Variants in DLG2 observed in about 807,000 individuals in gnomAD.
DLG2 encodes discs large MAGUK scaffold protein 2.
A neutral mutation model predicts 132.5 loss-of-function variants in DLG2; 45 were observed. The observed-to-expected ratio is 0.34, with a 90% CI of 0.27 to 0.44. The LOEUF is 0.44. Among genes scored for constraint, DLG2 ranks in the 20% least tolerant of loss-of-function variants. The pLI is 1.00. For missense variants in DLG2, 1,045 were observed against 1,196.9 expected (o/e 0.87, Z 1.87); for synonymous variants, 424 against 419.6 (o/e 1.01, Z -0.13).
intron 6 of DLG2, among the ~76,000 whole-genome samples, chr11:84,693,587 T>G (rs2058288942): frequency 6.6e-6 from 1 of 151,698 alleles, no homozygotes; most frequent in South Asian, 2.1e-4. Context: ...AGATTATTTC[T>G]AAAAACGAGC....
chr11:84,768,929 G>A (rs2068830663), intron 6 of DLG2, among the ~76,000 whole-genome samples: 2 of 151,798 alleles, frequency 1.3e-5, no homozygotes, highest in South Asian at 4.2e-4. Flanking sequence ...GTTCCAATAA[G>A]AAAGAGAAGA....
At chr11:84,776,826 C>G (rs560229002) in intron 6 of DLG2, among the ~76,000 whole-genome samples, 11 of 152,138 alleles carry the variant, frequency 7.2e-5, no homozygotes, top group African/African-American at 2.4e-4. Context: ...GGTATCTTTC[C>G]AGCTATAGAA....
chr11:84,848,460 C>T (rs2081777358), intron 6 of DLG2, among the ~76,000 whole-genome samples: 1 of 152,044 alleles, frequency 6.6e-6, no homozygotes, highest in African/African-American at 2.4e-5. Context: ...CACCACTGCA[C>T]TCCAGCATGT....
chr11:84,437,749 CTAAG>C (rs2154475978), intron 7 of DLG2: 1 of 152,432 alleles, frequency 6.6e-6, no homozygotes, highest in African/African-American at 2.4e-5. Flanking sequence ...ATCCAGTTGG[CTAAG>C]TATTTGTCTG....
chr11:84,975,742 T>G (rs2054808284), intron 6 of DLG2, among the ~76,000 whole-genome samples: 1 of 152,206 alleles, frequency 6.6e-6, no homozygotes, highest in East Asian at 1.9e-4. Context: ...AAAGTTACTC[T>G]GAAAATATAC....
At chr11:84,332,101 C>T (rs1396428909) in intron 7 of DLG2, among the ~76,000 whole-genome samples, 1 of 152,062 alleles carries the variant, frequency 6.6e-6, no homozygotes, top group African/African-American at 2.4e-5. Flanking sequence ...GTGCAATTTC[C>T]TAAACAATCA....
At chr11:83,787,137 T>G (rs1045170058) in intron 17 of DLG2, among the ~76,000 whole-genome samples, 12 of 151,834 alleles carry the variant, frequency 7.9e-5, no homozygotes, top group Admixed American at 1.3e-4. Context: ...GAAAACAGGA[T>G]GATAAAGAGA....
intron 7 of DLG2, among the ~76,000 whole-genome samples, chr11:84,533,873 C>A (rs1473125569): frequency 8.8e-6 from 1 of 113,376 alleles, no homozygotes; most frequent in Non-Finnish European, 1.7e-5. Flanking sequence ...GCTTTTTATC[C>A]CAAACACAAA....
intron 6 of DLG2, among the ~76,000 whole-genome samples, chr11:84,746,390 C>T (rs1469810450): frequency 6.6e-6 from 1 of 150,466 alleles, no homozygotes; most frequent in Non-Finnish European, 1.5e-5. Context: ...TTGAAATTAG[C>T]AATGAACTTA....
intron 6 of DLG2, among the ~76,000 whole-genome samples, chr11:84,996,767 T>C (rs2057692027): frequency 6.6e-6 from 1 of 152,200 alleles, no homozygotes; most frequent in African/African-American, 2.4e-5. Flanking sequence ...TGGACTTGGT[T>C]GTACCTTTCA....
chr11:84,084,374 T>C (rs2096944717), intron 10 of DLG2, among the ~76,000 whole-genome samples: 1 of 152,224 alleles, frequency 6.6e-6, no homozygotes, highest in Non-Finnish European at 1.5e-5. Flanking sequence ...TGTAATGTGT[T>C]CCTTTGGAAT....
At chr11:84,492,956 C>T (rs1292016711) in intron 7 of DLG2, among the ~76,000 whole-genome samples, 2 of 152,000 alleles carry the variant, frequency 1.3e-5, no homozygotes, top group Non-Finnish European at 2.9e-5. Context: ...GGTCAGGTTC[C>T]TGATGTTTTG....
At chr11:84,785,619 G>A (rs1438666628) in intron 6 of DLG2, among the ~76,000 whole-genome samples, 1 of 151,920 alleles carries the variant, frequency 6.6e-6, no homozygotes, top group Non-Finnish European at 1.5e-5. Flanking sequence ...GAACCAACAA[G>A]GTAAATGTTT....
intron 8 of DLG2, among the ~76,000 whole-genome samples, chr11:84,201,315 A>G (rs1229293398): frequency 6.6e-6 from 1 of 152,164 alleles, no homozygotes; most frequent in Non-Finnish European, 1.5e-5. Flanking sequence ...GTAATGGATA[A>G]GCTTTTGGAT....
intron 6 of DLG2, among the ~76,000 whole-genome samples, chr11:84,757,301 A>G (rs2067011945): frequency 6.6e-6 from 1 of 152,216 alleles, no homozygotes; most frequent in African/African-American, 2.4e-5. Flanking sequence ...TTTGTTAAAA[A>G]AAAAAAGGAT....
intron 3 of DLG2, among the ~76,000 whole-genome samples, chr11:85,367,520 T>C (rs2084649891): frequency 6.6e-6 from 1 of 152,206 alleles, no homozygotes; most frequent in Non-Finnish European, 1.5e-5. Context: ...ATTATTATTG[T>C]TGCATATTGG....
At chr11:85,067,480 T>G (rs2065107714) in intron 6 of DLG2, among the ~76,000 whole-genome samples, 1 of 151,784 alleles carries the variant, frequency 6.6e-6, no homozygotes, top group African/African-American at 2.4e-5. Flanking sequence ...TTGTGGGTAT[T>G]TAGTGCTATA....
rs1244585395 is a variant in DLG2 at position 84,233,646 on chromosome 11, G to T, written c.573+17592C>A. 2.0e-5 allele frequency among the ~76,000 whole-genome samples: 3 copies of T among 152,138 alleles called. No homozygotes were observed. The South Asian group carries it at 6.2e-4, about 32-fold the overall frequency. The stretch of plus-strand genomic sequence containing the variant: ...ATCCCCTGTGCAAATGGCACACCTG[G>T]TCTAACCAGTTTTTTGCACCCTATG... On this transcript the variant is annotated intron_variant, in intron 8 of 27. Coordinates refer to ENST00000376104, the MANE Select transcript of DLG2 (RefSeq NM_001142699.3).
chr11:84,070,842 G>A (rs2096745665), intron 10 of DLG2, among the ~76,000 whole-genome samples: 1 of 152,048 alleles, frequency 6.6e-6, no homozygotes, highest in South Asian at 2.1e-4. Context: ...CTAAATTCAA[G>A]GTCAACCCAG....
Sources: gnomAD v4.1 joint callset for allele counts (sites outside exome capture counted in the v4.1 genomes callset) on GRCh38, gnomAD v4.1.1 for gene constraint, MANE v1.5 for transcripts, NCBI Gene and HGNC (gene_info 2026-07-23, HGNC 2026-07-21) for gene names.